The following ZNF804B variants were observed in gnomAD, a reference collection of about 807,000 sequenced individuals.
ZNF804B encodes zinc finger 804B.
ZNF804B carries 80 observed loss-of-function variants against 101.4 expected under a neutral mutation model. That is an observed-to-expected ratio of 0.79 (90% confidence interval 0.66 to 0.95). ZNF804B has a LOEUF of 0.95. Among genes scored for constraint, ZNF804B ranks in the 40% least tolerant of loss-of-function variants. The pLI, the probability that ZNF804B is intolerant of heterozygous loss-of-function variation, is 0.00. For synonymous variants in ZNF804B, 622 were observed against 558.8 expected (o/e 1.11, Z -1.59); for missense variants, 1,673 against 1,561.9 (o/e 1.07, Z -1.20).
At chr7:89,182,274 G>A (rs925188917) in intron 1 of ZNF804B, among the ~76,000 whole-genome samples, 10 of 152,102 alleles carry the variant, frequency 6.6e-5, no homozygotes, top group South Asian at 2.1e-4. Flanking sequence ...CACTTATTCC[G>A]AAGACTAAGC....
intron 1 of ZNF804B, among the ~76,000 whole-genome samples, chr7:88,852,532 C>T (rs1264948352): frequency 2.4e-4 from 37 of 151,900 alleles, no homozygotes; most frequent in Non-Finnish European, 1.5e-5. Flanking sequence ...AATGACTGAC[C>T]CCATGAGGAA....
At chr7:88,819,786 T>G (rs191830610) in intron 1 of ZNF804B, among the ~76,000 whole-genome samples, 3 of 152,248 alleles carry the variant, frequency 2.0e-5, no homozygotes, top group Admixed American at 1.3e-4. Flanking sequence ...TCCAAAAAAT[T>G]TAGCGCAATT....
intron 1 of ZNF804B, among the ~76,000 whole-genome samples, chr7:89,159,706 T>G (rs1791030282): frequency 6.6e-6 from 1 of 152,176 alleles, no homozygotes; most frequent in African/African-American, 2.4e-5. Context: ...GCACAGAATT[T>G]TGCTCACCAA....
intron 1 of ZNF804B, among the ~76,000 whole-genome samples, chr7:88,902,072 A>G (rs1278299450): frequency 6.6e-6 from 1 of 151,940 alleles, no homozygotes; most frequent in African/African-American, 2.4e-5. Flanking sequence ...AGATATTACA[A>G]CATTCATCAT....
At chr7:89,265,536 T>C (rs757853979) in intron 2 of ZNF804B, among the ~76,000 whole-genome samples, 12 of 152,234 alleles carry the variant, frequency 7.9e-5, no homozygotes, top group Non-Finnish European at 1.5e-4. Context: ...TTGTGCCAAG[T>C]TAAATAATCT....
intron 2 of ZNF804B, among the ~76,000 whole-genome samples, chr7:89,219,473 T>C (rs185460654): frequency 6.6e-6 from 1 of 151,800 alleles, no homozygotes; most frequent in Non-Finnish European, 1.5e-5. Context: ...ACTTGAAAGA[T>C]CATATGGGCA....
At chr7:88,840,268 A>G (rs1006878517) in intron 1 of ZNF804B, among the ~76,000 whole-genome samples, 2 of 152,060 alleles carry the variant, frequency 1.3e-5, no homozygotes, top group Non-Finnish European at 1.5e-5. Flanking sequence ...CATCTAAAGC[A>G]TTTCCTTTCT....
chr7:89,267,650 G>A (rs529179917), intron 2 of ZNF804B, among the ~76,000 whole-genome samples: 1 of 152,180 alleles, frequency 6.6e-6, no homozygotes, highest in African/African-American at 2.4e-5. Context: ...GTCAGTTAAT[G>A]GTTCTTAAGT....
chr7:89,248,728 A>G (rs1283628847), intron 2 of ZNF804B, among the ~76,000 whole-genome samples: 1 of 152,126 alleles, frequency 6.6e-6, no homozygotes, highest in Admixed American at 6.6e-5. Context: ...GCAAACACAC[A>G]ATTGAAACTA....
At chr7:88,994,605 T>G (rs1404967394) in intron 1 of ZNF804B, among the ~76,000 whole-genome samples, 1 of 152,122 alleles carries the variant, frequency 6.6e-6, no homozygotes, top group Admixed American at 6.6e-5. Context: ...TATATCCAAC[T>G]CAAGTTTACA....
intron 1 of ZNF804B, among the ~76,000 whole-genome samples, chr7:89,198,167 A>G (rs1005795632): frequency 6.6e-6 from 1 of 151,930 alleles, no homozygotes; most frequent in Non-Finnish European, 1.5e-5. Flanking sequence ...ATATGATTTA[A>G]GGCATATAGG....
At chr7:89,272,143 CT>C (rs1466400979) in intron 2 of ZNF804B, among the ~76,000 whole-genome samples, 1 of 152,016 alleles carries the variant, frequency 6.6e-6, no homozygotes, top group East Asian at 1.9e-4. Flanking sequence ...ACATATCATT[CT>C]CCTTAATGCT....
intron 2 of ZNF804B, among the ~76,000 whole-genome samples, chr7:89,279,385 T>C (rs1229475825): frequency 2.7e-5 from 4 of 150,760 alleles, no homozygotes; most frequent in East Asian, 3.9e-4. Context: ...TTTCCAACAC[T>C]ATGTTGAATA....
intron 1 of ZNF804B, among the ~76,000 whole-genome samples, chr7:88,762,503 C>T (rs55781623): frequency 6.6e-6 from 1 of 152,250 alleles, no homozygotes; most frequent in African/African-American, 2.4e-5. Context: ...GTGTGTTTGC[C>T]TTCCTTACTA....
chr7:89,297,250 A>G (rs1378264035), intron 2 of ZNF804B, among the ~76,000 whole-genome samples: 1 of 152,026 alleles, frequency 6.6e-6, no homozygotes, highest in Non-Finnish European at 1.5e-5. Flanking sequence ...CCGGAGTAGC[A>G]AACTTAAAAA....
chr7:89,112,575 T>C (rs1489437507), intron 1 of ZNF804B, among the ~76,000 whole-genome samples: 1 of 152,198 alleles, frequency 6.6e-6, no homozygotes, highest in African/African-American at 2.4e-5. Flanking sequence ...TTTCTTCTTT[T>C]TATGTAATTT....
chr7:89,330,243 G>T (rs1163280253), intron 3 of ZNF804B, among the ~76,000 whole-genome samples: 1 of 151,590 alleles, frequency 6.6e-6, no homozygotes, highest in Admixed American at 6.6e-5. Context: ...AAATGTGAAG[G>T]TATTGTTCAA....
In ZNF804B at chr7:89,334,887, A is replaced by G. The variant is rs1791050922; in HGVS notation, c.1905A>G (p.Lys635=). 1.2e-6 allele frequency: 2 copies of G among 1,613,708 alleles called. No individual in the cohort carries two copies. Among genetic ancestry groups the G allele is most frequent in the Middle Eastern group, 1.6e-4 (1 of 6,082 alleles). ...TTCCTTCCTACATCTCTAGGTTTAA[A>G]AAGCATAAATTGATTCCCTGCAGTC... ...LSFPSYISRF[K]KHKLIPCSPH... The change falls in exon 4 of 4, where the codon AAA becomes AAG. Residue 635 remains lysine (K), a synonymous_variant. Coordinates refer to ENST00000333190, the MANE Select transcript of ZNF804B (RefSeq NM_181646.5).
intron 1 of ZNF804B, among the ~76,000 whole-genome samples, chr7:88,879,263 C>T (rs995037229): frequency 3.9e-5 from 6 of 152,064 alleles, no homozygotes; most frequent in African/African-American, 1.4e-4. Context: ...ATGTTTTACC[C>T]ATGCATCCTC....
Sources: allele counts gnomAD v4.1 joint callset (sites outside exome capture counted in the v4.1 genomes callset), GRCh38; gene constraint gnomAD v4.1.1; transcripts MANE v1.5; gene names NCBI Gene and HGNC (gene_info 2026-07-23, HGNC 2026-07-21).